Variants in LINGO1 observed in about 807,000 individuals in gnomAD.
The protein encoded by LINGO1 is leucine rich repeat and Ig domain containing 1, also known as leucine-rich repeat and immunoglobulin-like domain-containing nogo receptor-interacting protein 1.
LINGO1 carries 11 observed loss-of-function variants against 37.3 expected under a neutral mutation model. The ratio of observed to expected loss-of-function variants is 0.29; its 90% CI spans 0.19 to 0.49. The LOEUF (loss-of-function observed/expected upper bound fraction) is 0.49. Ranked by LOEUF, LINGO1 falls within the 20% of genes least tolerant of loss-of-function variation. The pLI is 0.99. For synonymous variants in LINGO1, 387 were observed against 403.0 expected (o/e 0.96, Z 0.48); for missense variants, 585 against 878.2 (o/e 0.67, Z 4.22).
chr15:77,805,913 G>A (rs1291973797), intron 1 of LINGO1, among the ~76,000 whole-genome samples: 2 of 152,164 alleles, frequency 1.3e-5, no homozygotes, highest in Non-Finnish European at 2.9e-5. Context: ...ACCACTGATG[G>A]TCTTCCATGT....
intron 2 of LINGO1, among the ~76,000 whole-genome samples, chr15:77,679,728 A>C (rs1460045946): frequency 6.6e-6 from 1 of 152,212 alleles, no homozygotes; most frequent in African/African-American, 2.4e-5. Context: ...ACACCCATGG[A>C]GGATCCATTG....
intron 2 of LINGO1, among the ~76,000 whole-genome samples, chr15:77,722,556 G>A (rs555124394): frequency 6.6e-6 from 1 of 152,206 alleles, no homozygotes; most frequent in Non-Finnish European, 1.5e-5. Flanking sequence ...AAATGGCGAT[G>A]CTAACTCCTA....
intron 1 of LINGO1, among the ~76,000 whole-genome samples, chr15:77,805,731 G>A (rs950959306): frequency 1.3e-5 from 2 of 152,128 alleles, no homozygotes; most frequent in African/African-American, 4.8e-5. Flanking sequence ...TTTCCTCCAT[G>A]CGTTTCCTGC....
chr15:77,776,550 G>GGCAGGAAAGC (rs2076655895), intron 1 of LINGO1, among the ~76,000 whole-genome samples: 1 of 44,996 alleles, frequency 2.2e-5, no homozygotes, highest in Non-Finnish European at 5.3e-5. Flanking sequence ...GGGAGGGAGG[G>GGCAGGAAAGC]AGGGAGGGAG....
chr15:77,712,389 G>C (rs376245842), intron 2 of LINGO1, among the ~76,000 whole-genome samples: 19 of 151,990 alleles, frequency 1.3e-4, no homozygotes, highest in African/African-American at 4.3e-4. Context: ...CAGCATAATG[G>C]ATGCTCAAAT....
chr15:77,699,088 C>T (rs1263630565), upstream of LINGO1, among the ~76,000 whole-genome samples: 1 of 152,050 alleles, frequency 6.6e-6, no homozygotes, highest in Admixed American at 6.5e-5. Flanking sequence ...CACGCTGCCA[C>T]GACAGGAGCT....
At chr15:77,738,000 T>C (rs1192567028) in intron 1 of LINGO1, among the ~76,000 whole-genome samples, 1 of 152,190 alleles carries the variant, frequency 6.6e-6, no homozygotes, top group Non-Finnish European at 1.5e-5. Flanking sequence ...CTCCGCTTGC[T>C]CATCTAACAG....
intron 1 of LINGO1, among the ~76,000 whole-genome samples, chr15:77,797,119 G>A (rs958447510): frequency 7.2e-5 from 11 of 152,200 alleles, no homozygotes; most frequent in Admixed American, 2.6e-4. Flanking sequence ...GCTCTGAGGC[G>A]TCCATGGTGC....
intron 3 of LINGO1, among the ~76,000 whole-genome samples, chr15:77,656,653 G>C (rs1215984448): frequency 6.6e-6 from 1 of 152,114 alleles, no homozygotes; most frequent in Non-Finnish European, 1.5e-5. Context: ...CTCCTGCAGG[G>C]ACTCCCAGTC....
chr15:77,638,635 C>G (rs936606091), upstream of LINGO1, among the ~76,000 whole-genome samples: 1 of 152,162 alleles, frequency 6.6e-6, no homozygotes, highest in South Asian at 2.1e-4. Flanking sequence ...TAACTTAAGT[C>G]GGAGCCTGTT....
intron 1 of LINGO1, among the ~76,000 whole-genome samples, chr15:77,817,285 A>G (rs1567599748): frequency 2.0e-5 from 3 of 152,186 alleles, no homozygotes; most frequent in Non-Finnish European, 4.4e-5. Context: ...CTGGGGAGGA[A>G]GTGGCCACAA....
chr15:77,684,346 A>C (rs1596104293), intron 2 of LINGO1, among the ~76,000 whole-genome samples: 1 of 152,154 alleles, frequency 6.6e-6, no homozygotes, highest in Admixed American at 6.5e-5. Flanking sequence ...AGGTACAGAG[A>C]GGTTACATGA....
intron 1 of LINGO1, among the ~76,000 whole-genome samples, chr15:77,807,309 C>A (rs1198782227): frequency 3.9e-5 from 6 of 152,210 alleles, no homozygotes; most frequent in East Asian, 1.9e-4. Context: ...TGGGCAGGGG[C>A]TGCTTCGGAT....
At chr15:77,616,074 C>A (rs1305200061) in intron 1 of LINGO1, among the ~76,000 whole-genome samples, 174 bp from the exon 2 acceptor site, 1 of 152,146 alleles carries the variant, frequency 6.6e-6, no homozygotes, top group Non-Finnish European at 1.5e-5. Context: ...CATGCTGCCC[C>A]CTCCTTGCCT....
At position 77,676,183 on chromosome 15, in the gene LINGO1, C is replaced by T. The variant is rs79125758; in HGVS notation, c.-13+906G>A. Reference sequence around the variant, plus strand: ...ATCAGGAAATGCCCTTGATTGTGGCCTGGGCAGGCTGGCTGCCCCTGGCTC... The same window carrying T: ...ATCAGGAAATGCCCTTGATTGTGGCTTGGGCAGGCTGGCTGCCCCTGGCTC... On this transcript the variant is annotated intron_variant, in intron 3 of 3. Coordinates refer to the LINGO1 transcript ENST00000559893. Among the ~76,000 whole-genome samples the T allele has an allele frequency of 6.7e-3, 1,020 of 152,350 alleles. 43 individuals carry two copies. In the East Asian group the frequency reaches 0.11, roughly 16 times the overall value.
intron 1 of LINGO1, among the ~76,000 whole-genome samples, chr15:77,693,078 A>C (rs527964426): frequency 1.1e-4 from 17 of 152,214 alleles, no homozygotes; most frequent in Admixed American, 2.0e-4. Flanking sequence ...GCACGCGTGC[A>C]CACACACACA....
At chr15:77,692,645 C>A (rs1445962652) in intron 1 of LINGO1, among the ~76,000 whole-genome samples, 3 of 152,210 alleles carry the variant, frequency 2.0e-5, no homozygotes, top group African/African-American at 7.2e-5. Context: ...GGCTTTTCTG[C>A]CAATTTCCCG....
intron 2 of LINGO1, among the ~76,000 whole-genome samples, chr15:77,715,221 C>T (rs549138683): frequency 2.6e-5 from 4 of 152,212 alleles, no homozygotes; most frequent in Non-Finnish European, 4.4e-5. Flanking sequence ...ATCCATGGGG[C>T]GCTAGGAGGA....
chr15:77,767,541 C>T (rs1417199168), intron 1 of LINGO1, among the ~76,000 whole-genome samples: 2 of 152,080 alleles, frequency 1.3e-5, no homozygotes, highest in African/African-American at 2.4e-5. Flanking sequence ...ACAGGAATCC[C>T]CAGGGTCATG....
Sources: allele counts gnomAD v4.1 joint callset (sites outside exome capture counted in the v4.1 genomes callset), GRCh38; gene constraint gnomAD v4.1.1; transcripts MANE v1.5; gene names NCBI Gene and HGNC (gene_info 2026-07-23, HGNC 2026-07-21).